Variants in DNM3 observed in about 807,000 individuals in gnomAD.
The protein encoded by DNM3 is dynamin 3, also known as dynamin-3.
Under a neutral mutation model 101.6 loss-of-function variants are expected in DNM3, and 47 were observed. The observed-to-expected ratio is 0.46, with a 90% CI of 0.37 to 0.59. The LOEUF (loss-of-function observed/expected upper bound fraction) is 0.59. Among genes scored for constraint, DNM3 ranks in the 20% least tolerant of loss-of-function variants. The pLI is 0.00. For synonymous variants in DNM3, 385 were observed against 387.9 expected (o/e 0.99, Z 0.09); for missense variants, 849 against 1,085.7 (o/e 0.78, Z 3.06).
intron 14 of DNM3, among the ~76,000 whole-genome samples, chr1:172,162,491 G>C (rs1181598890): frequency 1.3e-5 from 2 of 151,572 alleles, no homozygotes; most frequent in East Asian, 3.9e-4. Context: ...ATGGAAAGCA[G>C]AAAAAAAATA....
intron 16 of DNM3, among the ~76,000 whole-genome samples, chr1:172,316,893 T>C (rs574051006): frequency 2.6e-5 from 4 of 152,162 alleles, no homozygotes; most frequent in Admixed American, 2.0e-4. Context: ...GCGGACCTAA[T>C]AGACATCTAC....
At chr1:172,152,389 G>A (rs542981867) in intron 14 of DNM3, among the ~76,000 whole-genome samples, 130 of 151,898 alleles carry the variant, frequency 8.6e-4, no homozygotes, top group African/African-American at 3.0e-3. Context: ...GAAAGCTAGT[G>A]GGAGTTGATT....
At chr1:172,261,237 G>C (rs1256544524) in intron 15 of DNM3, among the ~76,000 whole-genome samples, 1 of 152,128 alleles carries the variant, frequency 6.6e-6, no homozygotes, top group African/African-American at 2.4e-5. Flanking sequence ...TGGTATAACT[G>C]TTGCTTCTTC....
intron 4 of DNM3, among the ~76,000 whole-genome samples, chr1:172,008,838 T>C (rs1214265670): frequency 7.2e-6 from 1 of 138,864 alleles, no homozygotes; most frequent in Non-Finnish European, 1.5e-5. Context: ...ATATAATATA[T>C]ATTAATATAT....
chr1:172,315,706 C>T (rs1236884018), intron 16 of DNM3, among the ~76,000 whole-genome samples: 12 of 152,136 alleles, frequency 7.9e-5, no homozygotes, highest in East Asian at 1.9e-4. Flanking sequence ...TAAAAAGAAA[C>T]GAACAAAGCC....
At chr1:172,175,910 C>T (rs12083534) in intron 14 of DNM3, among the ~76,000 whole-genome samples, 96 of 151,862 alleles carry the variant, frequency 6.3e-4, no homozygotes, top group African/African-American at 2.2e-3. Flanking sequence ...GGTAGACATG[C>T]TCCAGTGGTC....
At chr1:172,359,125 A>AACACACACACACACACACACACAC (rs10683483) in intron 17 of DNM3, among the ~76,000 whole-genome samples, 2 of 145,702 alleles carry the variant, frequency 1.4e-5, no homozygotes, top group African/African-American at 2.5e-5. Context: ...ACTCCCACAA[A>AACACACACACACACACACACACAC]ACACACACAC....
chr1:172,080,809 C>T (rs575230255), intron 11 of DNM3, among the ~76,000 whole-genome samples: 33 of 152,276 alleles, frequency 2.2e-4, no homozygotes, highest in African/African-American at 7.0e-4. Context: ...ATGGGAAAAG[C>T]GTAGTATCTG....
Position 172,048,942 on chromosome 1 carries a change from C to A in DNM3, c.1335+192C>A, listed in dbSNP as rs527657479. 5.9e-5 allele frequency among the ~76,000 whole-genome samples: 9 copies of A among 152,270 alleles called. No homozygotes were observed. The South Asian group carries it at 1.9e-3, about 32-fold the overall frequency. On this transcript the variant is annotated intron_variant, in intron 10 of 20. Transcript: ENST00000627582. Reference sequence around the variant, plus strand: ...GGCAGACATACTGTCTTCTATCATTCCTAATACGGTGGTTTAGAAAGAGTA... The same window carrying A: ...GGCAGACATACTGTCTTCTATCATTACTAATACGGTGGTTTAGAAAGAGTA...
intron 2 of DNM3, among the ~76,000 whole-genome samples, chr1:171,924,772 AT>A (rs2125334678): frequency 6.6e-6 from 1 of 152,194 alleles, no homozygotes; most frequent in Non-Finnish European, 1.5e-5. Context: ...GTATGAGATG[AT>A]ATCTTATTGT....
At position 172,411,509 on chromosome 1, in the gene DNM3, A is replaced by G; in HGVS notation, c.*3668A>G. On this transcript the variant is annotated 3_prime_UTR_variant, in exon 21 of 21. Transcript: ENST00000627582. ...GAATCTTAAAAAGCCAAGTTGATAT[A>G]CATAGTCATTTTTCCTCTATGGTAG... 5.1e-6 allele frequency: 5 copies of G among 984,350 alleles called. No individual in the cohort carries two copies. Among genetic ancestry groups the G allele is most frequent in the Non-Finnish European group, 6.0e-6 (5 of 829,288 alleles). 61.0% of individuals were successfully genotyped at this position (984,350 alleles called of 1,614,324 possible).
chr1:172,194,055 G>T (rs1306507252), intron 14 of DNM3, among the ~76,000 whole-genome samples: 1 of 152,210 alleles, frequency 6.6e-6, no homozygotes, highest in South Asian at 2.1e-4. Context: ...ATTCTGGTAT[G>T]TTGTGTCTTT....
intron 17 of DNM3, among the ~76,000 whole-genome samples, chr1:172,358,846 A>C (rs2067584636): frequency 6.6e-6 from 1 of 151,042 alleles, no homozygotes; most frequent in Non-Finnish European, 1.5e-5. Flanking sequence ...CTCATATTTG[A>C]CTCCTTTCCG....
At chr1:172,105,765 TC>T (rs1163648972) in intron 13 of DNM3, among the ~76,000 whole-genome samples, 1 of 152,072 alleles carries the variant, frequency 6.6e-6, no homozygotes, top group Non-Finnish European at 1.5e-5. Flanking sequence ...TTTTCTGTTT[TC>T]CCCCTTAACT....
intron 14 of DNM3, among the ~76,000 whole-genome samples, chr1:172,151,296 A>G (rs2058117095): frequency 6.6e-6 from 1 of 152,212 alleles, no homozygotes; most frequent in South Asian, 2.1e-4. Context: ...AGAGCTTCAT[A>G]GCAATAGTTA....
At chr1:172,077,846 G>A (rs907277084) in intron 11 of DNM3, among the ~76,000 whole-genome samples, 1 of 152,144 alleles carries the variant, frequency 6.6e-6, no homozygotes, top group Non-Finnish European at 1.5e-5. Context: ...TTCAAGTCCT[G>A]TATATCCTTG....
chr1:171,999,194 T>A (rs932311408), intron 4 of DNM3, among the ~76,000 whole-genome samples: 1 of 151,120 alleles, frequency 6.6e-6, no homozygotes, highest in Non-Finnish European at 1.5e-5. Flanking sequence ...CAGTAGGGGG[T>A]GAGGTGATGT....
chr1:172,059,130 C>T lies in DNM3; in HGVS notation c.1336-9689C>T, dbSNP rs2050921442. Among the ~76,000 whole-genome samples the T allele has an allele frequency of 2.6e-5, 4 of 151,146 alleles. 1 individual carries two copies. The South Asian group carries it at 8.4e-4, about 32-fold the overall frequency. On this transcript the variant is annotated intron_variant, in intron 10 of 20. Transcript: ENST00000627582. ...TAAATTCCTTGACACATACACTCTC[C>T]CAAGACTAAACCAGGAAGAAGTTGA...
chr1:172,171,215 T>C (rs1239906744), intron 14 of DNM3, among the ~76,000 whole-genome samples: 2 of 151,804 alleles, frequency 1.3e-5, no homozygotes, highest in African/African-American at 4.8e-5. Flanking sequence ...TAACTACTGA[T>C]CTTGATTCTT....
Sources: gnomAD v4.1 joint callset for allele counts (sites outside exome capture counted in the v4.1 genomes callset) on GRCh38, gnomAD v4.1.1 for gene constraint, MANE v1.5 for transcripts, NCBI Gene and HGNC (gene_info 2026-07-23, HGNC 2026-07-21) for gene names.